Variants in ANKRD16 observed in about 807,000 individuals in gnomAD.
The protein encoded by ANKRD16 is ankyrin repeat domain 16.
A neutral mutation model predicts 37.9 loss-of-function variants in ANKRD16; 35 were observed. The ratio of observed to expected loss-of-function variants is 0.92; its 90% CI spans 0.71 to 1.23. ANKRD16 has a LOEUF of 1.23. Among genes scored for constraint, ANKRD16 ranks in the 50% most tolerant of loss-of-function variants. ANKRD16 has a pLI of 0.00. For synonymous variants in ANKRD16, 206 were observed against 197.2 expected (o/e 1.04, Z -0.37); for missense variants, 480 against 469.9 (o/e 1.02, Z -0.20).
At chr10:5,887,808 CAT>C (rs1564420514) in intron 2 of ANKRD16, 37 bp downstream of exon 2, 1 of 1,578,124 alleles carries the variant, frequency 6.3e-7, no homozygotes. Flanking sequence ...GAAGCAGCCA[CAT>C]GTGTGTACTG....
At chr10:5,884,739 T>TTA (rs768216786) in intron 3 of ANKRD16, among the ~76,000 whole-genome samples, 1,311 of 120,114 alleles carry the variant, frequency 0.011, 17 homozygotes, top group Middle Eastern at 0.039. Flanking sequence ...TCTCAAAAAC[T>TTA]AAAAAAAAAA....
chr10:5,877,037 A>G (rs898947233), intron 7 of ANKRD16, among the ~76,000 whole-genome samples: 2 of 152,206 alleles, frequency 1.3e-5, no homozygotes, highest in African/African-American at 4.8e-5. Flanking sequence ...GGCCAGAAAA[A>G]TGGGTTTTAA....
At position 5,884,093 on chromosome 10, in the gene ANKRD16, C is replaced by T; in HGVS notation, c.579-16G>A. The T allele has an allele frequency of 6.2e-7, 1 of 1,606,200 alleles. No individual in the cohort carries two copies. The highest frequency in any genetic ancestry group is 1.1e-5 in the South Asian group (1 of 90,706). On this transcript the variant is annotated splice_polypyrimidine_tract_variant and intron_variant, in intron 3 of 7. Coordinates refer to ENST00000380094, the MANE Select transcript of ANKRD16 (RefSeq NM_019046.3). Reference sequence around the variant, plus strand: ...ATATTGGCACCTAGAGCCAAAACCCCAAGTAAGAGCTGAGAAAATTCAATA... The same window carrying T: ...ATATTGGCACCTAGAGCCAAAACCCTAAGTAAGAGCTGAGAAAATTCAATA...
In ANKRD16 at chr10:5,889,506, G is replaced by A; in HGVS notation, c.-152C>T. ...CGGCAGAACCGCCCCTCACGCCCCCGGCTTTGTCCCCGGCAGAGCCGCCTC... is the reference window on the plus strand; with the variant it reads ...CGGCAGAACCGCCCCTCACGCCCCCAGCTTTGTCCCCGGCAGAGCCGCCTC... On this transcript the variant is annotated 5_prime_UTR_variant, in exon 1 of 8. Coordinates refer to ENST00000380094, the MANE Select transcript of ANKRD16 (RefSeq NM_019046.3). 1 of 454,698 alleles carries A rather than the reference G, an allele frequency of 2.2e-6. No individual in the cohort carries two copies. Among genetic ancestry groups the A allele is most frequent in the South Asian group, 1.0e-4 (1 of 9,594 alleles). The allele number at this position is 454,698 out of a possible 1,614,324, so 28.2% of individuals were successfully genotyped here. A position where few individuals can be genotyped will look rare whatever the true frequency, so the allele number is the denominator to read the frequency against.
intron 3 of ANKRD16, among the ~76,000 whole-genome samples, chr10:5,884,559 C>T (rs1434228470): frequency 2.6e-5 from 4 of 152,006 alleles, no homozygotes; most frequent in Admixed American, 6.6e-5. Flanking sequence ...GGTGAAACCC[C>T]GTCTCTACCA....
intron 3 of ANKRD16, 151 bp downstream of exon 3, chr10:5,885,572 A>T: frequency 1.4e-6 from 1 of 710,368 alleles, no homozygotes; most frequent in South Asian, 1.9e-5. Flanking sequence ...TTTTTGTTTC[A>T]TATTCTTTAT....
chr10:5,884,368 C>T lies in ANKRD16; in HGVS notation c.579-291G>A, dbSNP rs575374292. ...ACCTGGAAGCCACCCCTTGCCACTGCCTTTCCTGCATCCTTCATAATCAAT... is the reference window on the plus strand; with the variant it reads ...ACCTGGAAGCCACCCCTTGCCACTGTCTTTCCTGCATCCTTCATAATCAAT... On this transcript the variant is annotated intron_variant, in intron 3 of 7. Coordinates refer to ENST00000380094, the MANE Select transcript of ANKRD16 (RefSeq NM_019046.3). Among the ~76,000 whole-genome samples the T allele has an allele frequency of 3.9e-5, 6 of 152,320 alleles. No individual in the cohort carries two copies. In the East Asian group the frequency reaches 7.7e-4, roughly 20 times the overall value.
chr10:5,889,369 C>A lies in ANKRD16; in HGVS notation c.-15G>T, dbSNP rs1842550151. 3.3e-6 allele frequency: 4 copies of A among 1,204,956 alleles called. No individual in the cohort carries two copies. The East Asian group carries it at 1.4e-4, about 42-fold the overall frequency. 74.6% of individuals were successfully genotyped at this position (1,204,956 alleles called of 1,614,324 possible). A position where few individuals can be genotyped will look rare whatever the true frequency, so the allele number is the denominator to read the frequency against. Reference sequence around the variant, plus strand: ...GGCTGGGCCATCGCCGCGGGTCGGGCCGGGCTGCGCGGGGAGGCGGCGGGC... The same window carrying A: ...GGCTGGGCCATCGCCGCGGGTCGGGACGGGCTGCGCGGGGAGGCGGCGGGC... On this transcript the variant is annotated 5_prime_UTR_variant, in exon 1 of 8. Transcript: ENST00000380094.
intron 3 of ANKRD16, among the ~76,000 whole-genome samples, chr10:5,884,923 C>A (rs1266246761): frequency 6.6e-6 from 1 of 152,116 alleles, no homozygotes; most frequent in African/African-American, 2.4e-5. Flanking sequence ...CCTTGCCTCC[C>A]GCTTTCAGCT....
At position 5,874,327 on chromosome 10, in the gene ANKRD16, T is replaced by C. The variant is rs1214963528; in HGVS notation, c.*33+3770A>G. Among the ~76,000 whole-genome samples the C allele has an allele frequency of 1.3e-5, 2 of 152,250 alleles. No homozygotes were observed. Among genetic ancestry groups the C allele is most frequent in the Admixed American group, 6.5e-5 (1 of 15,288 alleles). ...ATCCTGGCAAGTGTAGTACGTGCTCTGGGAGGCAGGTTAAGCCACAATTGG... is the reference window on the plus strand; with the variant it reads ...ATCCTGGCAAGTGTAGTACGTGCTCCGGGAGGCAGGTTAAGCCACAATTGG... On this transcript the variant is annotated intron_variant, in intron 7 of 7. Transcript: ENST00000380094. This position sits in a 1 kb window ranked among gnomAD's most constrained non-coding sequence, Gnocchi z 4.7.
In ANKRD16 at chr10:5,889,155, G is replaced by A; in HGVS notation, c.200C>T (p.Thr67Ile). ...CAGAGGCCGCTTGTAGTCTCGGTTGGTGGCCTCGATGTCCATGCCCCAGGC... is the reference window on the plus strand; with the variant it reads ...CAGAGGCCGCTTGTAGTCTCGGTTGATGGCCTCGATGTCCATGCCCCAGGC... ...AEAWGMDIEA[T>I]NRDYKRPLHE... is the part of the protein sequence containing the mutation. The change falls in exon 1 of 8, where the codon ACC becomes ATC. Residue 67 changes from threonine to isoleucine, a missense_variant. Transcript: ENST00000380094. 1 of 1,598,546 alleles carries A rather than the reference G, an allele frequency of 6.3e-7. No homozygotes were observed. Among genetic ancestry groups the A allele is most frequent in the Non-Finnish European group, 8.5e-7 (1 of 1,179,434 alleles).
At chr10:5,873,341 T>C (rs1346824366) in intron 7 of ANKRD16, among the ~76,000 whole-genome samples, 1 of 151,842 alleles carries the variant, frequency 6.6e-6, no homozygotes, top group East Asian at 1.9e-4. Context: ...GCCTGGACAA[T>C]TTTTGTATGT....
rs7909680 is a variant in ANKRD16 at position 5,865,730 on chromosome 10, A to G, written c.*34-3039T>C. Among the ~76,000 whole-genome samples the G allele has an allele frequency of 0.026, 3,981 of 152,296 alleles. 162 individuals carry two copies. Among genetic ancestry groups the G allele is most frequent in the African/African-American group, 0.09 (3,736 of 41,546 alleles). On this transcript the variant is annotated intron_variant, in intron 7 of 7. Transcript: ENST00000380094. This position sits in a 1 kb window ranked among gnomAD's most constrained non-coding sequence, Gnocchi z 4.7. ...TATTAGGGAGGGACATATTAGCCAAAGCTGGAGCTATTATCTACATGAATA... is the reference window on the plus strand; with the variant it reads ...TATTAGGGAGGGACATATTAGCCAAGGCTGGAGCTATTATCTACATGAATA...
At chr10:5,882,519 A>C (rs628844) in intron 5 of ANKRD16, among the ~76,000 whole-genome samples, 2 of 151,310 alleles carry the variant, frequency 1.3e-5, no homozygotes, top group Non-Finnish European at 2.9e-5. Context: ...TAAAAGCATA[A>C]AGCCAATAGA....
chr10:5,889,323 C>A lies in ANKRD16; in HGVS notation c.32G>T (p.Cys11Phe). The change falls in exon 1 of 8, where the codon TGC becomes TTC. Residue 11 changes from cysteine (C) to phenylalanine (F), a missense_variant. Coordinates refer to ENST00000380094, the MANE Select transcript of ANKRD16 (RefSeq NM_019046.3). ...CAGCCGGCCCTCCTGCACCAGCCTG[C>A]AGAGGCGCCGCGGGTCCCCGGGCTG... MAQPGDPRRLCRLVQEGRLRA... is the reference protein window; with the variant it reads MAQPGDPRRLFRLVQEGRLRA... 1 of 1,272,516 alleles carries A rather than the reference C, an allele frequency of 7.9e-7. No homozygotes were observed. Among genetic ancestry groups the A allele is most frequent in the East Asian group, 3.1e-5 (1 of 31,998 alleles). 78.8% of individuals were successfully genotyped at this position (1,272,516 alleles called of 1,614,324 possible).
rs955374058 is a variant in ANKRD16, at chr10:5,866,770, G to A, written c.*34-4079C>T. Among the ~76,000 whole-genome samples, 6 of 151,954 alleles carry A rather than the reference G, an allele frequency of 3.9e-5. No individual in the cohort carries two copies. The highest frequency in any genetic ancestry group is 1.2e-4 in the African/African-American group (5 of 41,334). On this transcript the variant is annotated intron_variant, in intron 7 of 7. Transcript: ENST00000380094. The surrounding 1 kb of genome is among the most constrained non-coding windows in gnomAD (Gnocchi z 4.3). ...GAAAGACCAGCAGAAAGGAAGGAGA[G>A]AAAGAGACAGACAGAGAGAAAGAGA...
In ANKRD16 at chr10:5,865,061, G is replaced by A. The variant is rs1319326941; in HGVS notation, c.*34-2370C>T. Among the ~76,000 whole-genome samples the A allele has an allele frequency of 8.5e-5, 13 of 152,246 alleles. No individual in the cohort carries two copies. Among genetic ancestry groups the A allele is most frequent in the Admixed American group, 6.5e-4 (10 of 15,282 alleles). The stretch of plus-strand genomic sequence containing the variant: ...TGGCAACCTCTGTGTTCTATGATAA[G>A]GACCAAGAGGAACAGGCTGAAAAGG... On this transcript the variant is annotated intron_variant, in intron 7 of 7. Coordinates refer to ENST00000380094, the MANE Select transcript of ANKRD16 (RefSeq NM_019046.3). This position sits in a 1 kb window ranked among gnomAD's most constrained non-coding sequence, Gnocchi z 4.7.
rs571104703 is a variant in ANKRD16 at position 5,864,233 on chromosome 10, C to G, written c.*34-1542G>C. On this transcript the variant is annotated intron_variant, in intron 7 of 7. Transcript: ENST00000380094. The surrounding 1 kb of genome is among the most constrained non-coding windows in gnomAD (Gnocchi z 4.4). ...ACAGGAGGACTTCTCAGCTTACCCC[C>G]AGATCCTAGCCTCCCTATAGCCCCT... is the stretch of plus-strand genomic sequence containing the variant. 2.0e-5 allele frequency among the ~76,000 whole-genome samples: 3 copies of G among 152,206 alleles called. No individual in the cohort carries two copies. The South Asian group carries it at 6.2e-4, about 32-fold the overall frequency.
chr10:5,887,246 C>T (rs1222941455), intron 2 of ANKRD16, among the ~76,000 whole-genome samples: 1 of 152,170 alleles, frequency 6.6e-6, no homozygotes, highest in African/African-American at 2.4e-5. Flanking sequence ...TGCTACAGAA[C>T]CAGCTCATGG....
Sources: gnomAD v4.1 joint callset for allele counts (sites outside exome capture counted in the v4.1 genomes callset) on GRCh38, gnomAD v4.1.1 for gene constraint, Gnocchi (gnomAD v3.1) non-coding constraint, MANE v1.5 for transcripts, NCBI Gene and HGNC (gene_info 2026-07-23, HGNC 2026-07-21) for gene names.